Variants in EXOC1 observed in about 807,000 individuals in gnomAD.
The protein encoded by EXOC1 is exocyst complex component 1.
EXOC1 carries 67 observed loss-of-function variants against 107.7 expected under a neutral mutation model. The observed-to-expected ratio is 0.62, with a 90% confidence interval of 0.51 to 0.76. The LOEUF (loss-of-function observed/expected upper bound fraction) is 0.76, where lower values mean the gene tolerates loss of function less well. Among genes scored for constraint, EXOC1 ranks in the 30% least tolerant of loss-of-function variants. EXOC1 has a pLI of 0.00. For missense variants in EXOC1, 833 were observed against 1,055.7 expected, an observed-to-expected ratio of 0.79 and a Z score of 2.92; for synonymous variants, 348 against 353.5, an observed-to-expected ratio of 0.98 and a Z score of 0.17.
chr4:55,894,951 A>G (rs916814926), intron 15 of EXOC1, among the ~76,000 whole-genome samples: 5 of 152,124 alleles, frequency 3.3e-5, no homozygotes, highest in African/African-American at 4.8e-5. Context: ...TGTATGTATG[A>G]ATTGGGCTAG....
In EXOC1 at chr4:55,896,847, G is replaced by A. The variant is rs780590793; in HGVS notation, c.2084G>A (p.Arg695His). The change falls in exon 16 of 19, where the codon CGT becomes CAT. Residue 695 changes from arginine to histidine, a missense_variant. Physicochemically the swap from Arg to His is conservative, Grantham distance 29 (BLOSUM62 0). Coordinates refer to ENST00000381295, the MANE Select transcript of EXOC1 (RefSeq NM_001024924.2). ...AESIFKNAER[R>H]GDLDKAYTKL... ...TCAATCTTCAAAAATGCTGAGCGTC[G>A]TGGAGACCTGGATAAAGCATACACC... 1.9e-6 allele frequency: 3 copies of A among 1,610,780 alleles called. No individual in the cohort carries two copies. Among genetic ancestry groups the A allele is most frequent in the Admixed American group, 3.4e-5 (2 of 59,348 alleles).
chr4:55,854,171 C>T (rs1720728702), intron 1 of EXOC1, among the ~76,000 whole-genome samples: 1 of 132,774 alleles, frequency 7.5e-6, no homozygotes, highest in South Asian at 2.6e-4. Context: ...CACATCCCGG[C>T]CCCCCAACCC....
At position 55,904,934 on chromosome 4, in the gene EXOC1, C is replaced by T. The variant is rs1726436517; in HGVS notation, c.*439C>T. Reference sequence around the variant, plus strand: ...ACAAATGTGTATATGGAGAAGAGGGCTCATGTGATGATCATTTGTGAACTT... The same window carrying T: ...ACAAATGTGTATATGGAGAAGAGGGTTCATGTGATGATCATTTGTGAACTT... On this transcript the variant is annotated 3_prime_UTR_variant, in exon 19 of 19. Transcript: ENST00000381295. 6.5e-6 allele frequency: 1 copy of T among 152,766 alleles called. No individual in the cohort carries two copies. Among genetic ancestry groups the T allele is most frequent in the South Asian group, 2.1e-4 (1 of 4,838 alleles). The allele number at this position is 152,766 out of a possible 1,614,324, so 9.5% of individuals were successfully genotyped here. A position where few individuals can be genotyped will look rare whatever the true frequency, so the allele number is the denominator to read the frequency against.
chr4:55,862,765 A>T (rs568507005), intron 3 of EXOC1, among the ~76,000 whole-genome samples: 1 of 152,186 alleles, frequency 6.6e-6, no homozygotes, highest in African/African-American at 2.4e-5. Context: ...TAATGTATTT[A>T]CATTTCCCCC....
At position 55,904,711 on chromosome 4, in the gene EXOC1, A is replaced by C; in HGVS notation, c.*216A>C. On this transcript the variant is annotated 3_prime_UTR_variant, in exon 19 of 19. Transcript: ENST00000381295. Reference sequence around the variant, plus strand: ...GCCCTATAGGTTGCATACTAACTTAAGCATTCATGTCACCATAAAATGCCT... The same window carrying C: ...GCCCTATAGGTTGCATACTAACTTACGCATTCATGTCACCATAAAATGCCT... 1 of 378,744 alleles carries C rather than the reference A, an allele frequency of 2.6e-6. No individual in the cohort carries two copies. Among genetic ancestry groups the C allele is most frequent in the Non-Finnish European group, 4.6e-6 (1 of 217,220 alleles). The allele number at this position is 378,744 out of a possible 1,614,324, so 23.5% of individuals were successfully genotyped here. A position where few individuals can be genotyped will look rare whatever the true frequency, so the allele number is the denominator to read the frequency against.
At chr4:55,876,315 C>G (rs755860197) in intron 8 of EXOC1, 1 of 984,896 alleles carries the variant, frequency 1.0e-6, no homozygotes, top group African/African-American at 1.7e-5. Context: ...CCACATAGGT[C>G]TACGCTCCGT....
At chr4:55,890,163 T>G in intron 11 of EXOC1, 60 bp from the exon 12 acceptor site, 2 of 1,540,246 alleles carry the variant, frequency 1.3e-6, no homozygotes, top group Middle Eastern at 1.7e-4. Context: ...TATCCCTGCT[T>G]TATACTTTGG....
At chr4:55,855,888 C>G (rs1226149061) in intron 1 of EXOC1, among the ~76,000 whole-genome samples, 1 of 152,058 alleles carries the variant, frequency 6.6e-6, no homozygotes, top group Non-Finnish European at 1.5e-5. Context: ...CTATAATAAG[C>G]CAAAAGGAGG....
chr4:55,861,779 C>A (rs1721494543), intron 3 of EXOC1, among the ~76,000 whole-genome samples: 1 of 152,210 alleles, frequency 6.6e-6, no homozygotes, highest in Non-Finnish European at 1.5e-5. Flanking sequence ...TTAGGCCAGG[C>A]GTGGTGGCTC....
At chr4:55,857,178 T>C (rs1187512097) in intron 1 of EXOC1, among the ~76,000 whole-genome samples, 3 of 115,036 alleles carry the variant, frequency 2.6e-5, no homozygotes, top group African/African-American at 1.1e-4. Context: ...CTTTTTTTTT[T>C]TTTTTTTTTT....
chr4:55,876,008 A>G, intron 8 of EXOC1: 1 of 979,690 alleles, frequency 1.0e-6, no homozygotes. Context: ...GATGCTGTAG[A>G]ATCCTGATTA....
At chr4:55,890,502 C>T (rs1724391016) in intron 12 of EXOC1, 116 bp downstream of exon 12, 1 of 629,472 alleles carries the variant, frequency 1.6e-6, no homozygotes, top group Non-Finnish European at 2.5e-6. Context: ...TAAGCATTAA[C>T]CATGTCTTTC....
In EXOC1 at chr4:55,904,526, G is replaced by T; in HGVS notation, c.*31G>T. ...GTGAAAGAAGAAAAGATAACTGAAT[G>T]AAGCATTTGAGTATAACAGACACTA... On this transcript the variant is annotated 3_prime_UTR_variant, in exon 19 of 19. Coordinates refer to ENST00000381295, the MANE Select transcript of EXOC1 (RefSeq NM_001024924.2). The T allele has an allele frequency of 1.3e-6, 2 of 1,588,178 alleles. No homozygotes were observed. The highest frequency in any genetic ancestry group is 1.8e-5 in the Admixed American group (1 of 56,856).
chr4:55,878,196 C>A, intron 9 of EXOC1, 130 bp downstream of exon 9: 1 of 1,013,634 alleles, frequency 9.9e-7, no homozygotes, highest in Non-Finnish European at 1.4e-6. Flanking sequence ...TGAGTCAGTG[C>A]TCTTTACCAG....
At chr4:55,888,691 T>C in intron 10 of EXOC1, 197 bp from the exon 11 acceptor site, 1 of 549,742 alleles carries the variant, frequency 1.8e-6, no homozygotes, top group Non-Finnish European at 3.2e-6. Context: ...AAAAGTAAAG[T>C]TTTTTCTCTC....
intron 5 of EXOC1, among the ~76,000 whole-genome samples, chr4:55,870,435 C>G (rs1722320674): frequency 1.3e-5 from 2 of 152,202 alleles, no homozygotes; most frequent in African/African-American, 4.8e-5. Context: ...ATATAAAATC[C>G]TAAGGCATGG....
At chr4:55,877,211 GA>G in intron 8 of EXOC1, 1 of 985,294 alleles carries the variant, frequency 1.0e-6, no homozygotes, top group Non-Finnish European at 1.2e-6. Flanking sequence ...ACCTTATCAG[GA>G]AATGAGTTAA....
rs558399702 is a variant in EXOC1 at position 55,859,537 on chromosome 4, G to T, written c.125-874G>T. On this transcript the variant is annotated intron_variant, in intron 2 of 18. Coordinates refer to ENST00000381295, the MANE Select transcript of EXOC1 (RefSeq NM_001024924.2). ...CTAATTATATGTAGACTTTTTGAAA[G>T]TAGTGATATTTTTCTTCCTTCCTTT... Among the ~76,000 whole-genome samples, 14 of 152,160 alleles carry T rather than the reference G, an allele frequency of 9.2e-5. No individual in the cohort carries two copies. In the South Asian group the frequency reaches 1.9e-3, roughly 20 times the overall value.
At chr4:55,858,661 C>T (rs1721204971) in intron 2 of EXOC1, among the ~76,000 whole-genome samples, 1 of 151,978 alleles carries the variant, frequency 6.6e-6, no homozygotes, top group Admixed American at 6.6e-5. Context: ...ATTATATTTC[C>T]CTATAATGAT....
Sources: allele counts gnomAD v4.1 joint callset (sites outside exome capture counted in the v4.1 genomes callset), GRCh38; gene constraint gnomAD v4.1.1; transcripts MANE v1.5; gene names NCBI Gene and HGNC (gene_info 2026-07-23, HGNC 2026-07-21).